The following APBB1IP variants were observed in gnomAD, a reference collection of about 807,000 sequenced individuals.
APBB1IP encodes the protein amyloid beta A4 precursor protein-binding family B member 1-interacting protein.
Under a neutral mutation model 64.9 loss-of-function variants are expected in APBB1IP, and 27 were observed. That is an observed-to-expected ratio of 0.42 (90% CI 0.31 to 0.57). The LOEUF (loss-of-function observed/expected upper bound fraction) is 0.57. APBB1IP is among the 20% of genes least tolerant of loss of function. The pLI, the probability that APBB1IP is intolerant of heterozygous loss-of-function variation, is 0.20. For synonymous variants in APBB1IP, 392 were observed against 331.0 expected, an observed-to-expected ratio of 1.18 and a Z score of -2.00; for missense variants, 812 against 845.5, an observed-to-expected ratio of 0.96 and a Z score of 0.49.
intron 11 of APBB1IP, among the ~76,000 whole-genome samples, chr10:26,559,520 G>C (rs1047290616): frequency 1.3e-5 from 2 of 152,080 alleles, no homozygotes; most frequent in Non-Finnish European, 2.9e-5. Context: ...AAGGTTTGCA[G>C]TGAGCTGTGA....
At chr10:26,537,996 TACCATTAAC>T (rs916577445) in intron 10 of APBB1IP, among the ~76,000 whole-genome samples, 41 of 150,900 alleles carry the variant, frequency 2.7e-4, no homozygotes, top group African/African-American at 7.5e-4. Flanking sequence ...CTCTCACTGT[TACCATTAAC>T]ACGGGGTTGA....
intron 2 of APBB1IP, among the ~76,000 whole-genome samples, chr10:26,483,848 G>C (rs1835862860): frequency 1.3e-5 from 2 of 152,050 alleles, no homozygotes. Flanking sequence ...GAATAGCAGG[G>C]ACTACAGGCG....
Position 26,566,988 on chromosome 10 carries a change from C to T in APBB1IP, c.1501C>T (p.His501Tyr). The change falls in exon 15 of 15, where the codon CAC becomes TAC. Residue 501 changes from histidine to tyrosine, a missense_variant. By Grantham distance (83) the His-to-Tyr change is moderately conservative (BLOSUM62 2). Around this residue, in one of 3 missense-constraint regions of APBB1IP, gnomAD observed 381 missense variants for 352.1 expected, o/e 1.08. Coordinates refer to ENST00000376236, the MANE Select transcript of APBB1IP (RefSeq NM_019043.4). ...TAAGAAGCCAGCCCTCGGGAACCAC[C>T]ACGACCCGGCAGTGCCCCGGGCCCC... is the stretch of plus-strand genomic sequence containing the variant. ...KDKKPALGNH[H>Y]DPAVPRAPHA... 1.3e-6 allele frequency: 2 copies of T among 1,581,512 alleles called. No homozygotes were observed. Among genetic ancestry groups the T allele is most frequent in the Non-Finnish European group, 1.7e-6 (2 of 1,172,636 alleles).
intron 11 of APBB1IP, among the ~76,000 whole-genome samples, chr10:26,542,884 T>A (rs1220833877): frequency 6.6e-6 from 1 of 151,014 alleles, no homozygotes; most frequent in Non-Finnish European, 1.5e-5. Flanking sequence ...AACCAGGCAT[T>A]TTGCCTCCAA....
Position 26,533,494 on chromosome 10 carries a change from T to G in APBB1IP, c.869T>G (p.Met290Arg). 1 of 1,605,104 alleles carries G rather than the reference T, an allele frequency of 6.2e-7. No individual in the cohort carries two copies. The highest frequency in any genetic ancestry group is 8.5e-7 in the Non-Finnish European group (1 of 1,176,620). ...GAAAGCAAGGAAACTAATGAGAAAA[T>G]GAATGCTAAGAACAAGGAATCCTTA... ...KKESKETNEK[M>R]NAKNKESLLE... is the part of the protein sequence containing the mutation. Residue 290 changes from methionine to arginine, a missense_variant, in exon 9 of 15, where the codon ATG becomes AGG. Met to Arg is a moderately conservative substitution (Grantham distance 91). Transcript: ENST00000376236.
At chr10:26,533,300 G>T (rs985716570) in intron 8 of APBB1IP, 139 bp from the exon 9 acceptor site, 3 of 465,558 alleles carry the variant, frequency 6.4e-6, no homozygotes, top group Non-Finnish European at 1.1e-5. Context: ...GGCTCTGATG[G>T]TTGACTGATA....
At chr10:26,558,168 C>CAT (rs398013062) in intron 11 of APBB1IP, among the ~76,000 whole-genome samples, 2 of 150,416 alleles carry the variant, frequency 1.3e-5, no homozygotes, top group Non-Finnish European at 3.0e-5. Context: ...CACACACACA[C>CAT]GATGCTTGTG....
intron 11 of APBB1IP, among the ~76,000 whole-genome samples, chr10:26,554,277 T>G (rs187110064): frequency 1.3e-5 from 2 of 152,120 alleles, no homozygotes; most frequent in Non-Finnish European, 2.9e-5. Context: ...TATTGAAGAG[T>G]TCAGGAGACC....
intron 11 of APBB1IP, among the ~76,000 whole-genome samples, chr10:26,552,488 A>G (rs1836844002): frequency 6.6e-6 from 1 of 152,040 alleles, no homozygotes; most frequent in Non-Finnish European, 1.5e-5. Context: ...AGTCCCAGCT[A>G]CTCAGGAGGC....
intron 2 of APBB1IP, among the ~76,000 whole-genome samples, chr10:26,449,937 G>A (rs1043989233): frequency 1.3e-5 from 2 of 152,070 alleles, no homozygotes; most frequent in African/African-American, 4.8e-5. Context: ...AGCCCAGGAA[G>A]TCGAGCTGCA....
chr10:26,567,030 A>G lies in APBB1IP; in HGVS notation c.1543A>G (p.Ser515Gly). ...CCGGGCCCCGCACGCCCCCAAGTCCAGCCTGCCCCCGCCCCCTCCGGTGCG... is the reference window on the plus strand; with the variant it reads ...CCGGGCCCCGCACGCCCCCAAGTCCGGCCTGCCCCCGCCCCCTCCGGTGCG... ...VPRAPHAPKS[S>G]LPPPPPVRRS... The change falls in exon 15 of 15, where the codon AGC becomes GGC. Residue 515 changes from serine (S) to glycine (G), a missense_variant. Coordinates refer to ENST00000376236, the MANE Select transcript of APBB1IP (RefSeq NM_019043.4). 1.9e-6 allele frequency: 3 copies of G among 1,550,092 alleles called. No homozygotes were observed. The highest frequency in any genetic ancestry group is 1.7e-6 in the Non-Finnish European group (2 of 1,160,346).
At chr10:26,517,090 T>C (rs1836341307) in intron 8 of APBB1IP, among the ~76,000 whole-genome samples, 1 of 152,220 alleles carries the variant, frequency 6.6e-6, no homozygotes, top group Non-Finnish European at 1.5e-5. Flanking sequence ...TCACCCTTTC[T>C]GGAACCGCAG....
chr10:26,513,429 T>A, intron 7 of APBB1IP, 110 bp from the exon 8 acceptor site: 1 of 1,208,522 alleles, frequency 8.3e-7, no homozygotes, highest in Non-Finnish European at 1.2e-6. Flanking sequence ...TTAATAAGAA[T>A]CCCAGGCACC....
chr10:26,545,617 G>C (rs953081740), intron 11 of APBB1IP, among the ~76,000 whole-genome samples: 7 of 152,046 alleles, frequency 4.6e-5, no homozygotes, highest in Non-Finnish European at 8.8e-5. Context: ...AAAATTAGCC[G>C]GGCGTGGTAG....
chr10:26,492,449 G>A (rs762546522), intron 3 of APBB1IP, 51 bp downstream of exon 3: 1 of 1,544,432 alleles, frequency 6.5e-7, no homozygotes, highest in East Asian at 2.2e-5. Context: ...TAGAGTTGCA[G>A]AATTTCATTG....
At chr10:26,451,322 C>T (rs1469088433) in intron 2 of APBB1IP, among the ~76,000 whole-genome samples, 4 of 152,084 alleles carry the variant, frequency 2.6e-5, no homozygotes, top group Admixed American at 6.5e-5. Context: ...TTCCTGGGCT[C>T]GGGTAATCCT....
chr10:26,504,302 A>T (rs1836144674), intron 6 of APBB1IP, among the ~76,000 whole-genome samples: 1 of 152,208 alleles, frequency 6.6e-6, no homozygotes, highest in Non-Finnish European at 1.5e-5. Flanking sequence ...CTGTAAGTTG[A>T]TCATGCATTT....
At chr10:26,488,054 CAGAT>C (rs1457244476) in intron 2 of APBB1IP, among the ~76,000 whole-genome samples, 3 of 152,152 alleles carry the variant, frequency 2.0e-5, no homozygotes, top group African/African-American at 4.8e-5. Flanking sequence ...CTATTGTACT[CAGAT>C]AGAAAGCAAT....
chr10:26,464,590 G>A (rs951595000), intron 2 of APBB1IP, among the ~76,000 whole-genome samples: 3 of 152,096 alleles, frequency 2.0e-5, no homozygotes, highest in African/African-American at 7.2e-5. Flanking sequence ...GTATGTGTGT[G>A]TGGAGACAGG....
Sources: gnomAD v4.1 joint callset for allele counts (sites outside exome capture counted in the v4.1 genomes callset) on GRCh38, gnomAD v4.1.1 for gene constraint, gnomAD v4.1.1 regional missense constraint, MANE v1.5 for transcripts, NCBI Gene and HGNC (gene_info 2026-07-23, HGNC 2026-07-21) for gene names.